Variants in NALF1 observed in about 807,000 individuals in gnomAD.
The protein encoded by NALF1 is family with sequence similarity 155 member A.
Under a neutral mutation model 48.4 loss-of-function variants are expected in NALF1, and 3 were observed. That is an observed-to-expected ratio of 0.06 (90% CI 0.03 to 0.16). NALF1 has a LOEUF of 0.16. NALF1 is among the 10% of genes least tolerant of loss of function. The pLI is 1.00. For synonymous variants in NALF1, 262 were observed against 245.7 expected, an observed-to-expected ratio of 1.07 and a Z score of -0.62; for missense variants, 526 against 571.5, an observed-to-expected ratio of 0.92 and a Z score of 0.81.
chr13:107,463,928 C>T (rs899467099), intron 1 of NALF1, among the ~76,000 whole-genome samples: 4 of 152,174 alleles, frequency 2.6e-5, no homozygotes, highest in African/African-American at 9.7e-5. Context: ...TTTTTAAAAA[C>T]TGATGTGTAA....
At chr13:107,537,774 T>C (rs892225679) in intron 1 of NALF1, among the ~76,000 whole-genome samples, 1 of 152,066 alleles carries the variant, frequency 6.6e-6, no homozygotes, top group African/African-American at 2.4e-5. Flanking sequence ...TCCCAGCACT[T>C]TGGGAGGCTG....
intron 1 of NALF1, among the ~76,000 whole-genome samples, chr13:107,659,093 G>GCACTGACA (rs796577544): frequency 3.0e-5 from 4 of 135,504 alleles, no homozygotes; most frequent in African/African-American, 8.9e-5. Context: ...CAACTAGCCA[G>GCACTGACA]CACTGACACA....
At chr13:107,395,938 T>G (rs908477281) in intron 1 of NALF1, among the ~76,000 whole-genome samples, 4 of 152,134 alleles carry the variant, frequency 2.6e-5, no homozygotes, top group African/African-American at 7.2e-5. Flanking sequence ...CACATATAGT[T>G]ACATTCTGAG....
At chr13:107,660,434 AAAACACAC>A (rs1390875875) in intron 1 of NALF1, among the ~76,000 whole-genome samples, 17 of 96,534 alleles carry the variant, frequency 1.8e-4, no homozygotes, top group African/African-American at 5.8e-4. Flanking sequence ...CTCTGTCTCA[AAAACACAC>A]ACACACACAC....
intron 1 of NALF1, among the ~76,000 whole-genome samples, chr13:107,783,245 G>T (rs1309123784): frequency 7.1e-6 from 1 of 139,900 alleles, no homozygotes; most frequent in East Asian, 2.3e-4. Context: ...AGGTGGGGGG[G>T]TCAGCCCCCC....
At chr13:107,462,576 T>C (rs1011939414) in intron 1 of NALF1, among the ~76,000 whole-genome samples, 3 of 152,168 alleles carry the variant, frequency 2.0e-5, no homozygotes, top group Admixed American at 2.0e-4. Context: ...GCCCTGCCCA[T>C]TCAAAATAAA....
At chr13:107,320,206 A>G (rs1882227451) in intron 1 of NALF1, among the ~76,000 whole-genome samples, 1 of 152,130 alleles carries the variant, frequency 6.6e-6, no homozygotes, top group South Asian at 2.1e-4. Flanking sequence ...GACTGGCAGT[A>G]AGAAAATATG....
At chr13:107,380,120 A>C (rs552386914) in intron 1 of NALF1, among the ~76,000 whole-genome samples, 1 of 152,184 alleles carries the variant, frequency 6.6e-6, no homozygotes, top group African/African-American at 2.4e-5. Flanking sequence ...TTTTATAGTT[A>C]TAGTATCAAC....
rs1050071545 is a variant in NALF1, at chr13:107,736,460, C to A, written c.915+129222G>T. Among the ~76,000 whole-genome samples the A allele has an allele frequency of 2.6e-5, 4 of 152,240 alleles. No individual in the cohort carries two copies. The South Asian group carries it at 6.2e-4, about 24-fold the overall frequency. ...TGCAACTCAGTAGGTGGGAATAAAT[C>A]AGCACAAATAAGCAGCACACGTACT... On this transcript the variant is annotated intron_variant, in intron 1 of 2. Coordinates refer to ENST00000375915, the MANE Select transcript of NALF1 (RefSeq NM_001080396.3).
intron 1 of NALF1, among the ~76,000 whole-genome samples, chr13:107,680,905 G>A (rs1278734793): frequency 1.3e-5 from 2 of 151,482 alleles, no homozygotes; most frequent in African/African-American, 4.9e-5. Context: ...AGGGTGAGTG[G>A]TGTGAGAGGG....
chr13:107,756,156 A>G (rs1036029742), intron 1 of NALF1, among the ~76,000 whole-genome samples: 2 of 152,206 alleles, frequency 1.3e-5, no homozygotes, highest in African/African-American at 4.8e-5. Context: ...ACTTTTAAGA[A>G]AAATACTAAA....
rs534682348 is a variant in NALF1, at chr13:107,215,985, A to G, written c.916-5230T>C. On this transcript the variant is annotated intron_variant, in intron 1 of 2. Coordinates refer to ENST00000375915, the MANE Select transcript of NALF1 (RefSeq NM_001080396.3). The stretch of plus-strand genomic sequence containing the variant: ...CTGCTGAAAAAATATCATGTTGGCT[A>G]TATATTTTATCACAAAGAAAAATGT... Among the ~76,000 whole-genome samples the G allele has an allele frequency of 2.6e-5, 4 of 152,338 alleles. No individual in the cohort carries two copies. In the East Asian group the frequency reaches 7.7e-4, roughly 29 times the overall value.
At chr13:107,337,877 T>G (rs1386549600) in intron 1 of NALF1, among the ~76,000 whole-genome samples, 1 of 152,122 alleles carries the variant, frequency 6.6e-6, no homozygotes, top group Non-Finnish European at 1.5e-5. Context: ...AATAATAATC[T>G]TTGCAGATTG....
intron 1 of NALF1, among the ~76,000 whole-genome samples, chr13:107,643,106 C>A (rs1016973315): frequency 6.6e-6 from 1 of 152,168 alleles, no homozygotes; most frequent in African/African-American, 2.4e-5. Flanking sequence ...CCAGCCAAAG[C>A]ACACTGGGAA....
Position 107,443,595 on chromosome 13 carries a change from T to C in NALF1, c.916-232840A>G, listed in dbSNP as rs1211636822. Among the ~76,000 whole-genome samples the C allele has an allele frequency of 2.0e-5, 3 of 152,174 alleles. No homozygotes were observed. The East Asian group carries it at 5.8e-4, about 29-fold the overall frequency. On this transcript the variant is annotated intron_variant, in intron 1 of 2. Coordinates refer to ENST00000375915, the MANE Select transcript of NALF1 (RefSeq NM_001080396.3). ...AAATAAGTCCAAATATACAGAAAAC[T>C]TTCTCTTTAAACTAATTTTTATTGA...
intron 1 of NALF1, among the ~76,000 whole-genome samples, chr13:107,521,921 A>T (rs1876252174): frequency 6.6e-6 from 1 of 151,504 alleles, no homozygotes; most frequent in Admixed American, 6.6e-5. Context: ...TTCTTCTTCA[A>T]CTTACACACA....
intron 1 of NALF1, among the ~76,000 whole-genome samples, chr13:107,717,212 C>A (rs1213995598): frequency 6.6e-6 from 1 of 152,222 alleles, no homozygotes; most frequent in Admixed American, 6.5e-5. Context: ...AGTAAAATCT[C>A]TCTTCTAGCT....
At chr13:107,417,695 T>C (rs1294201384) in intron 1 of NALF1, among the ~76,000 whole-genome samples, 1 of 152,168 alleles carries the variant, frequency 6.6e-6, no homozygotes, top group Non-Finnish European at 1.5e-5. Context: ...ATATCACCAA[T>C]GTATTAAATG....
At chr13:107,302,386 G>T (rs919474136) in intron 1 of NALF1, among the ~76,000 whole-genome samples, 10 of 152,276 alleles carry the variant, frequency 6.6e-5, no homozygotes, top group South Asian at 6.2e-4. Flanking sequence ...GTATTTGAAG[G>T]CCTCAAATCT....
Sources: gnomAD v4.1 joint callset for allele counts (sites outside exome capture counted in the v4.1 genomes callset) on GRCh38, gnomAD v4.1.1 for gene constraint, MANE v1.5 for transcripts, NCBI Gene and HGNC (gene_info 2026-07-23, HGNC 2026-07-21) for gene names.